The following MAP2 variants were observed in gnomAD, a reference collection of about 807,000 sequenced individuals.
The protein encoded by MAP2 is microtubule-associated protein 2.
MAP2 carries 14 observed loss-of-function variants against 137.6 expected under a neutral mutation model. The observed-to-expected ratio is 0.10, with a 90% CI of 0.07 to 0.16. MAP2 has a LOEUF of 0.16. MAP2 is among the 10% of genes least tolerant of loss of function. MAP2 has a pLI of 1.00. For missense variants in MAP2, 2,088 were observed against 2,191.5 expected, an observed-to-expected ratio of 0.95 and a Z score of 0.94; for synonymous variants, 786 against 782.3, an observed-to-expected ratio of 1.00 and a Z score of -0.08.
chr2:209,600,817 CCTT>C (rs1291312969), intron 3 of MAP2, among the ~76,000 whole-genome samples: 5 of 152,218 alleles, frequency 3.3e-5, no homozygotes, highest in South Asian at 4.2e-4. Context: ...CAAATGCTTC[CCTT>C]CTTCTTCTCT....
At chr2:209,573,017 A>C (rs2074662747) in intron 2 of MAP2, among the ~76,000 whole-genome samples, 1 of 152,178 alleles carries the variant, frequency 6.6e-6, no homozygotes, top group Admixed American at 6.5e-5. Context: ...GGAGATCTGC[A>C]GATCTGCAAT....
At chr2:209,684,075 T>C (rs1178752792) in intron 7 of MAP2, among the ~76,000 whole-genome samples, 1 of 152,194 alleles carries the variant, frequency 6.6e-6, no homozygotes, top group Non-Finnish European at 1.5e-5. Flanking sequence ...GAAAAGGATC[T>C]ACGGTACAGT....
chr2:209,613,600 C>A (rs144594969), intron 3 of MAP2, among the ~76,000 whole-genome samples: 1 of 148,594 alleles, frequency 6.7e-6, no homozygotes, highest in African/African-American at 2.5e-5. Context: ...GTGGGGCTAG[C>A]GGAGAAGAGC....
In MAP2 at chr2:209,573,662, A is replaced by C. The variant is rs571531007; in HGVS notation, c.-171-6374A>C. Among the ~76,000 whole-genome samples, 69 of 152,272 alleles carry C rather than the reference A, an allele frequency of 4.5e-4. 3 individuals carry two copies. In the Middle Eastern group the frequency reaches 0.014, roughly 30 times the overall value. ...TGTGGCATGAAATTCACTCGTATAC[A>C]ATTCAGCAATTCAGTGGTTTTTAAT... is the stretch of plus-strand genomic sequence containing the variant. On this transcript the variant is annotated intron_variant, in intron 2 of 15. Coordinates refer to ENST00000682079, the MANE Select transcript of MAP2 (RefSeq NM_001375505.1).
At chr2:209,490,098 G>C (rs1373213031) in intron 1 of MAP2, among the ~76,000 whole-genome samples, 2 of 152,180 alleles carry the variant, frequency 1.3e-5, no homozygotes, top group Non-Finnish European at 2.9e-5. Context: ...AACCTTGCAA[G>C]CCAGAAGAGA....
At chr2:209,670,668 A>G (rs1192377194) in intron 5 of MAP2, among the ~76,000 whole-genome samples, 1 of 151,800 alleles carries the variant, frequency 6.6e-6, no homozygotes, top group African/African-American at 2.4e-5. Flanking sequence ...ACGTGGAGGT[A>G]GAGGAAAAAA....
rs1318665925 is a variant in MAP2 at position 209,463,325 on chromosome 2, G to A, written c.-222+39049G>A. On this transcript the variant is annotated intron_variant, in intron 1 of 15. Transcript: ENST00000682079. ...TTTTATTTCATACAAAATAATAAAA[G>A]TCAACTTCTTACCATTTCTTAACTT... 2.0e-5 allele frequency among the ~76,000 whole-genome samples: 3 copies of A among 152,098 alleles called. No individual in the cohort carries two copies. In the East Asian group the frequency reaches 5.8e-4, roughly 29 times the overall value.
At chr2:209,519,971 A>T (rs997404697) in intron 2 of MAP2, among the ~76,000 whole-genome samples, 2 of 152,026 alleles carry the variant, frequency 1.3e-5, no homozygotes, top group African/African-American at 4.8e-5. Context: ...TGGATCATAT[A>T]AAAAAGGTCT....
chr2:209,574,432 T>TACAC (rs57166815), intron 2 of MAP2, among the ~76,000 whole-genome samples: 2,023 of 148,782 alleles, frequency 0.014, 42 homozygotes, highest in African/African-American at 0.046. Context: ...ATAGTATAGA[T>TACAC]ACACACACAC....
chr2:209,507,075 G>A (rs1038555398), intron 1 of MAP2, among the ~76,000 whole-genome samples: 5 of 151,980 alleles, frequency 3.3e-5, no homozygotes, highest in African/African-American at 1.2e-4. Flanking sequence ...TTATATTTCT[G>A]GGATCTCTTT....
At chr2:209,579,282 C>CGTTGTGT (rs2075861914) in intron 2 of MAP2, 2 of 149,860 alleles carry the variant, frequency 1.3e-5, no homozygotes, top group South Asian at 4.2e-4. Flanking sequence ...TGCGTGCGTG[C>CGTTGTGT]GTGTGTGTGT....
chr2:209,488,350 T>A (rs1559226159), intron 1 of MAP2, among the ~76,000 whole-genome samples: 2 of 151,958 alleles, frequency 1.3e-5, no homozygotes, highest in Admixed American at 1.3e-4. Flanking sequence ...AGCACAAAAC[T>A]GGATGGTCGT....
At chr2:209,728,444 T>C (rs2074894825) in intron 14 of MAP2, among the ~76,000 whole-genome samples, 1 of 152,148 alleles carries the variant, frequency 6.6e-6, no homozygotes, top group African/African-American at 2.4e-5. Flanking sequence ...TAACTACATC[T>C]CTAAGCATGA....
chr2:209,529,279 A>G (rs1356733380), intron 2 of MAP2, among the ~76,000 whole-genome samples: 1 of 151,978 alleles, frequency 6.6e-6, no homozygotes, highest in East Asian at 1.9e-4. Context: ...AGGAAGACAA[A>G]CTCTATTGTT....
rs971952036 is a variant in MAP2, at chr2:209,729,773, T to A, written c.5156-77T>A. On this transcript the variant is annotated intron_variant, in intron 14 of 15. Coordinates refer to ENST00000682079, the MANE Select transcript of MAP2 (RefSeq NM_001375505.1). The stretch of plus-strand genomic sequence containing the variant: ...TAAATTTGTGGTTTGCCGTAGTCTA[T>A]CTACTGCAGTCATTTTTGGGAAATA... 1.5e-5 allele frequency: 13 copies of A among 883,044 alleles called. No individual in the cohort carries two copies. The African/African-American group carries it at 2.2e-4, about 15-fold the overall frequency. The allele number at this position is 883,044 out of a possible 1,614,324, so 54.7% of individuals were successfully genotyped here.
intron 12 of MAP2, among the ~76,000 whole-genome samples, chr2:209,706,389 G>A (rs986464969): frequency 1.8e-4 from 27 of 152,000 alleles, no homozygotes; most frequent in African/African-American, 6.0e-4. Context: ...AATAGCTACC[G>A]TTTATTGAGC....
intron 11 of MAP2, chr2:209,703,926 G>T (rs1202758941): frequency 5.3e-5 from 24 of 452,494 alleles, no homozygotes; most frequent in Non-Finnish European, 1.1e-4. Flanking sequence ...AAAATAAAAT[G>T]GTTTAGCATT....
chr2:209,593,471 G>A (rs558788581), intron 3 of MAP2, among the ~76,000 whole-genome samples: 1 of 148,152 alleles, frequency 6.7e-6, no homozygotes, highest in South Asian at 2.1e-4. Context: ...TTCTAGGTAA[G>A]AGGGCAGAAT....
At chr2:209,523,045 TAGTTA>T (rs1164433130) in intron 2 of MAP2, among the ~76,000 whole-genome samples, 1 of 152,194 alleles carries the variant, frequency 6.6e-6, no homozygotes, top group Admixed American at 6.5e-5. Flanking sequence ...CAGCTTAAAT[TAGTTA>T]AGTCAGTAAA....
Sources: allele counts gnomAD v4.1 joint callset (sites outside exome capture counted in the v4.1 genomes callset), GRCh38; gene constraint gnomAD v4.1.1; transcripts MANE v1.5; gene names NCBI Gene and HGNC (gene_info 2026-07-23, HGNC 2026-07-21).